The following PSD3 variants were observed in gnomAD, a reference collection of about 807,000 sequenced individuals.
The protein encoded by PSD3 is pleckstrin and Sec7 domain containing 3.
A neutral mutation model predicts 105.5 loss-of-function variants in PSD3; 49 were observed. That is an observed-to-expected ratio of 0.46 (90% CI 0.37 to 0.59). The LOEUF is 0.59. PSD3 is among the 20% of genes least tolerant of loss of function. The pLI is 0.00. For synonymous variants in PSD3, 557 were observed against 457.8 expected, an observed-to-expected ratio of 1.22 and a Z score of -2.77; for missense variants, 1,561 against 1,263.8, an observed-to-expected ratio of 1.24 and a Z score of -3.57.
intron 14 of PSD3, among the ~76,000 whole-genome samples, chr8:18,560,907 G>C (rs894661986): frequency 6.6e-6 from 1 of 152,318 alleles, no homozygotes; most frequent in African/African-American, 2.4e-5. Context: ...GAAGCGGTAA[G>C]TGTCTTATAG....
Position 18,798,673 on chromosome 8 carries a change from C to G in PSD3, c.2082+622G>C, listed in dbSNP as rs553209348. On this transcript the variant is annotated intron_variant, in intron 8 of 15. Coordinates refer to ENST00000327040, the MANE Select transcript of PSD3 (RefSeq NM_015310.4). ...TGGACTAATCTATACTTACTTAGAG[C>G]AAAAATTACTTCATAGTCCCAGGTT... Among the ~76,000 whole-genome samples, 3 of 149,998 alleles carry G rather than the reference C, an allele frequency of 2.0e-5. 1 individual carries two copies. Among genetic ancestry groups the G allele is most frequent in the African/African-American group, 7.2e-5 (3 of 41,394 alleles).
chr8:18,664,088 C>T (rs572292259), intron 9 of PSD3, among the ~76,000 whole-genome samples: 10 of 152,268 alleles, frequency 6.6e-5, no homozygotes, highest in Non-Finnish European at 1.2e-4. Context: ...CCCTAAGATA[C>T]AACAATACTG....
chr8:18,649,385 C>T (rs999473873), intron 10 of PSD3, among the ~76,000 whole-genome samples: 8 of 152,188 alleles, frequency 5.3e-5, no homozygotes, highest in South Asian at 4.1e-4. Context: ...GCCGGGGTTT[C>T]GGACTTGCAC....
At chr8:18,986,410 G>A (rs1204799329) in intron 1 of PSD3, among the ~76,000 whole-genome samples, 1 of 151,890 alleles carries the variant, frequency 6.6e-6, no homozygotes, top group Admixed American at 6.6e-5. Flanking sequence ...CCCAGAACAC[G>A]CTTGCAAGGT....
chr8:18,742,101 T>C (rs2129434810), intron 9 of PSD3, among the ~76,000 whole-genome samples: 1 of 152,288 alleles, frequency 6.6e-6, no homozygotes, highest in East Asian at 1.9e-4. Context: ...AGGACTATAA[T>C]AGGGAAGATA....
At chr8:18,792,071 G>A (rs1310966794) in intron 8 of PSD3, among the ~76,000 whole-genome samples, 2 of 152,158 alleles carry the variant, frequency 1.3e-5, no homozygotes, top group African/African-American at 2.4e-5. Flanking sequence ...AACAACAGAT[G>A]ATGGCGAGGT....
chr8:18,883,596 TA>T (rs906787272), intron 2 of PSD3, among the ~76,000 whole-genome samples: 2 of 152,146 alleles, frequency 1.3e-5, no homozygotes, highest in Non-Finnish European at 2.9e-5. Flanking sequence ...TACACAGCCT[TA>T]AAAAAATTAC....
Position 18,575,201 on chromosome 8 carries a change from T to C in PSD3, c.2566A>G (p.Thr856Ala), listed in dbSNP as rs771377766. 5 of 1,613,912 alleles carry C rather than the reference T, an allele frequency of 3.1e-6. No homozygotes were observed. In the African/African-American group the frequency reaches 4.0e-5, roughly 13 times the overall value. Residue 856 changes from threonine (T) to alanine (A), a missense_variant, in exon 13 of 16, where the codon ACG becomes GCG. Coordinates refer to ENST00000327040, the MANE Select transcript of PSD3 (RefSeq NM_015310.4). ...SVHHALASKATDYEKKPNVFK... is the reference protein window; with the variant it reads ...SVHHALASKAADYEKKPNVFK... ...ACGTTTGGTTTCTTCTCATAGTCCG[T>C]GGCCTTGGATGCCAATGCGTGGTGC...
intron 1 of PSD3, among the ~76,000 whole-genome samples, chr8:18,956,653 T>C (rs1823591225): frequency 6.6e-6 from 1 of 152,232 alleles, no homozygotes; most frequent in South Asian, 2.1e-4. Context: ...TATTTTGTTT[T>C]GTTTTTGTCA....
At chr8:18,866,403 G>A (rs1049629003) in intron 4 of PSD3, among the ~76,000 whole-genome samples, 2 of 152,168 alleles carry the variant, frequency 1.3e-5, no homozygotes, top group Non-Finnish European at 2.9e-5. Context: ...TTTGTACCAT[G>A]TCCTGTGCGA....
chr8:19,051,342 A>C (rs147172252), intron 1 of PSD3, among the ~76,000 whole-genome samples: 3 of 152,186 alleles, frequency 2.0e-5, no homozygotes, highest in Admixed American at 2.0e-4. Flanking sequence ...ACTCTCTGTT[A>C]CATACTCTCA....
At chr8:18,562,628 C>T (rs1245229601) in intron 14 of PSD3, among the ~76,000 whole-genome samples, 3 of 152,166 alleles carry the variant, frequency 2.0e-5, no homozygotes, top group Admixed American at 2.0e-4. Context: ...GTGACTCACA[C>T]CTGTAATCCT....
intron 4 of PSD3, among the ~76,000 whole-genome samples, chr8:18,855,215 T>C (rs922225529): frequency 6.6e-6 from 1 of 152,190 alleles, no homozygotes; most frequent in Non-Finnish European, 1.5e-5. Context: ...GGATAAAAAT[T>C]ATACACTCGA....
rs557517369 is a variant in PSD3 at position 18,872,203 on chromosome 8, A to T, written c.661T>A (p.Leu221Ile). The change falls in exon 3 of 16, where the codon TTA becomes ATA. Residue 221 changes from leucine to isoleucine, a missense_variant. Transcript: ENST00000327040. ...LSIQKDLTAL[L>I]TGDTQAEISQ... is the part of the protein sequence containing the mutation. The stretch of plus-strand genomic sequence containing the variant: ...ATCTCTGCCTGAGTGTCTCCAGTTA[A>T]CAGCGCGGTGAGATCTTTCTGGATG... The T allele has an allele frequency of 6.2e-7, 1 of 1,614,058 alleles. No homozygotes were observed. The highest frequency in any genetic ancestry group is 1.3e-5 in the African/African-American group (1 of 74,920).
intron 1 of PSD3, among the ~76,000 whole-genome samples, chr8:19,071,696 C>A (rs528509869): frequency 6.8e-6 from 1 of 147,788 alleles, no homozygotes; most frequent in Non-Finnish European, 1.5e-5. Flanking sequence ...CAGGATTTCA[C>A]GTGTCTGCCT....
intron 4 of PSD3, among the ~76,000 whole-genome samples, chr8:18,864,211 T>C (rs1002254537): frequency 1.3e-5 from 2 of 152,248 alleles, no homozygotes; most frequent in African/African-American, 4.8e-5. Context: ...CATAGCTCAG[T>C]AAGAGCACGG....
chr8:19,035,705 A>G (rs1368247839), intron 1 of PSD3, among the ~76,000 whole-genome samples: 1 of 150,480 alleles, frequency 6.6e-6, no homozygotes, highest in East Asian at 2.0e-4. Flanking sequence ...AGAGAATATG[A>G]CTGCATATAG....
At chr8:18,684,416 G>A (rs1800552069) in intron 9 of PSD3, among the ~76,000 whole-genome samples, 1 of 152,058 alleles carries the variant, frequency 6.6e-6, no homozygotes, top group Non-Finnish European at 1.5e-5. Flanking sequence ...TAATCTCCAA[G>A]GCACCATGTG....
intron 1 of PSD3, among the ~76,000 whole-genome samples, chr8:19,007,897 C>G (rs960812050): frequency 6.6e-6 from 1 of 152,088 alleles, no homozygotes; most frequent in Non-Finnish European, 1.5e-5. Context: ...GGCTGGAGTG[C>G]AATGGCACAA....
Sources: gnomAD v4.1 joint callset for allele counts (sites outside exome capture counted in the v4.1 genomes callset) on GRCh38, gnomAD v4.1.1 for gene constraint, MANE v1.5 for transcripts, NCBI Gene and HGNC (gene_info 2026-07-23, HGNC 2026-07-21) for gene names.